Variants in DPY30 observed in about 807,000 individuals in gnomAD.
DPY30 encodes dpy-30 histone methyltransferase complex regulatory subunit.
DPY30 carries 6 observed loss-of-function variants against 16.2 expected under a neutral mutation model. The ratio of observed to expected loss-of-function variants is 0.37; its 90% confidence interval spans 0.20 to 0.73. The LOEUF (loss-of-function observed/expected upper bound fraction) is 0.73, where lower values mean the gene tolerates loss of function less well. Ranked by LOEUF, DPY30 falls within the 30% of genes least tolerant of loss-of-function variation. The pLI is 0.51. For synonymous variants in DPY30, 39 were observed against 38.8 expected, an observed-to-expected ratio of 1.00 and a Z score of -0.02; for missense variants, 73 against 113.1, an observed-to-expected ratio of 0.65 and a Z score of 1.61.
At chr2:32,035,169 A>G (rs1366220966) in intron 3 of DPY30, among the ~76,000 whole-genome samples, 3 of 151,696 alleles carry the variant, frequency 2.0e-5, no homozygotes, top group African/African-American at 7.3e-5. Context: ...TCTAGTCCCA[A>G]CTACTCAGGA....
chr2:32,016,564 G>T (rs909981560), intron 5 of DPY30, among the ~76,000 whole-genome samples: 1 of 152,070 alleles, frequency 6.6e-6, no homozygotes, highest in Non-Finnish European at 1.5e-5. Context: ...TTAAATAAAA[G>T]TTCAATATTC....
intron 4 of DPY30, among the ~76,000 whole-genome samples, chr2:32,026,800 C>T (rs1675347954): frequency 6.6e-6 from 1 of 151,820 alleles, no homozygotes; most frequent in Non-Finnish European, 1.5e-5. Context: ...CACAGCAAAA[C>T]TCCGTCTCAA....
At chr2:32,020,547 A>T (rs183559454), downstream of DPY30, among the ~76,000 whole-genome samples, 3 of 151,852 alleles carry the variant, frequency 2.0e-5, no homozygotes, top group East Asian at 5.8e-4. Context: ...AATTAAACCT[A>T]CCCCAAATTT....
At chr2:32,027,040 CCAA>C (rs1675358446) in intron 4 of DPY30, among the ~76,000 whole-genome samples, 1 of 151,308 alleles carries the variant, frequency 6.6e-6, no homozygotes, top group African/African-American at 2.4e-5. Context: ...TTTTGGGAGG[CCAA>C]TGAGGGCAGA....
chr2:32,031,100 C>A (rs951444741), intron 3 of DPY30, among the ~76,000 whole-genome samples: 2 of 152,174 alleles, frequency 1.3e-5, no homozygotes, highest in Non-Finnish European at 2.9e-5. Flanking sequence ...TTGCCTCCAT[C>A]GCACTCACAT....
chr2:32,024,894 G>A (rs1283188678), intron 4 of DPY30, among the ~76,000 whole-genome samples: 3 of 152,046 alleles, frequency 2.0e-5, no homozygotes, highest in Non-Finnish European at 4.4e-5. Context: ...CACCTAAGAA[G>A]ATAAACACAT....
At chr2:32,031,664 G>T (rs1459681699) in intron 3 of DPY30, among the ~76,000 whole-genome samples, 1 of 151,984 alleles carries the variant, frequency 6.6e-6, no homozygotes. Flanking sequence ...AGAGGCCCAA[G>T]AGGGCGGATC....
chr2:32,030,322 C>T (rs1380519989), intron 3 of DPY30, among the ~76,000 whole-genome samples: 2 of 152,052 alleles, frequency 1.3e-5, no homozygotes, highest in African/African-American at 4.8e-5. Context: ...CTGCAAAATC[C>T]AGTCTTTACC....
At chr2:32,017,933 T>A (rs1430444763) in intron 5 of DPY30, among the ~76,000 whole-genome samples, 1 of 152,192 alleles carries the variant, frequency 6.6e-6, no homozygotes, top group Non-Finnish European at 1.5e-5. Context: ...AGTGGCCTTA[T>A]AAGAGACCTC....
At chr2:32,019,553 G>A (rs143286789), downstream of DPY30, among the ~76,000 whole-genome samples, 1,098 of 150,770 alleles carry the variant, frequency 7.3e-3, 15 homozygotes, top group African/African-American at 0.026. Flanking sequence ...GGTGGCTCAC[G>A]CCTGTGAGCC....
At chr2:32,036,487 C>T (rs553403092) in intron 3 of DPY30, among the ~76,000 whole-genome samples, 144 of 151,888 alleles carry the variant, frequency 9.5e-4, no homozygotes, top group Non-Finnish European at 1.1e-3. Context: ...CTGGCTAACA[C>T]GGTGAAACCC....
At chr2:32,023,589 A>G, downstream of DPY30, 1 of 623,590 alleles carries the variant, frequency 1.6e-6, no homozygotes, top group Non-Finnish European at 2.7e-6. Context: ...TACAGCTATT[A>G]CTATAAATGT....
rs1281752730 is a variant in DPY30 at position 32,029,707 on chromosome 2, T to C, written c.114A>G (p.Ala38=). The C allele has an allele frequency of 1.2e-6, 2 of 1,614,028 alleles. No individual in the cohort carries two copies. The highest frequency in any genetic ancestry group is 3.3e-5 in the Admixed American group (2 of 59,984). The stretch of plus-strand genomic sequence containing the variant: ...CTACCTTCTGCTTTGATGACTTTTC[T>C]GCATTAATCTTCTCATTTTCTACTA... The part of the protein sequence containing the change: ...ERIVENEKIN[A]EKSSKQKVDL... Residue 38 remains alanine (A), a synonymous_variant, in exon 4 of 5, where the codon GCA becomes GCG. Transcript: ENST00000342166.
intron 4 of DPY30, among the ~76,000 whole-genome samples, chr2:32,027,373 T>C (rs1675370757): frequency 6.7e-6 from 1 of 149,656 alleles, no homozygotes; most frequent in African/African-American, 2.5e-5. Context: ...CTACTAAAAA[T>C]ACAAAAATTA....
At chr2:32,018,703 G>A (rs1174988960) in intron 5 of DPY30, among the ~76,000 whole-genome samples, 1 of 151,726 alleles carries the variant, frequency 6.6e-6, no homozygotes, top group African/African-American at 2.4e-5. Context: ...ATGGGCGAGA[G>A]AGCGAGACTC....
intron 5 of DPY30, among the ~76,000 whole-genome samples, chr2:32,017,322 T>G (rs1338685209): frequency 6.6e-6 from 1 of 152,048 alleles, no homozygotes; most frequent in African/African-American, 2.4e-5. Flanking sequence ...GCTCCACTCT[T>G]TAAGAAACTC....
chr2:32,025,497 T>C (rs377001282), intron 4 of DPY30, among the ~76,000 whole-genome samples: 1 of 151,880 alleles, frequency 6.6e-6, no homozygotes, highest in East Asian at 1.9e-4. Flanking sequence ...GTACGGTGGC[T>C]CATGCCTGTA....
chr2:32,025,865 T>C (rs1448825618), intron 4 of DPY30, among the ~76,000 whole-genome samples: 1 of 151,468 alleles, frequency 6.6e-6, no homozygotes, highest in Non-Finnish European at 1.5e-5. Flanking sequence ...CCTCACACTT[T>C]GGGAGGCCAA....
At chr2:32,015,865 A>T (rs1376038824) in intron 5 of DPY30, among the ~76,000 whole-genome samples, 1 of 151,910 alleles carries the variant, frequency 6.6e-6, no homozygotes, top group East Asian at 1.9e-4. Flanking sequence ...AAAAAAAAAA[A>T]AAAATACAAA....
Sources: gnomAD v4.1 joint callset for allele counts (sites outside exome capture counted in the v4.1 genomes callset) on GRCh38, gnomAD v4.1.1 for gene constraint, MANE v1.5 for transcripts, NCBI Gene and HGNC (gene_info 2026-07-23, HGNC 2026-07-21) for gene names.